Variants in INVS observed in about 807,000 individuals in gnomAD.
INVS encodes inversin, also known as inversion of embryo turning homolog.
INVS carries 86 observed loss-of-function variants against 108.8 expected under a neutral mutation model. The ratio of observed to expected loss-of-function variants is 0.79; its 90% CI spans 0.66 to 0.95. INVS has a LOEUF of 0.95. Ranked by LOEUF, INVS falls within the 40% of genes least tolerant of loss-of-function variation. The pLI, the probability that INVS is intolerant of heterozygous loss-of-function variation, is 0.00. For missense variants in INVS, 1,169 were observed against 1,297.4 expected, an observed-to-expected ratio of 0.90 and a Z score of 1.52; for synonymous variants, 455 against 473.5, an observed-to-expected ratio of 0.96 and a Z score of 0.51.
At chr9:100,209,083 C>T (rs1310032311) in intron 3 of INVS, among the ~76,000 whole-genome samples, 1 of 152,146 alleles carries the variant, frequency 6.6e-6, no homozygotes, top group African/African-American at 2.4e-5. Flanking sequence ...ACCGTACTGC[C>T]TCCCCATGGA....
intron 12 of INVS, among the ~76,000 whole-genome samples, chr9:100,278,872 G>A (rs568760228): frequency 1.3e-3 from 200 of 152,284 alleles, no homozygotes; most frequent in African/African-American, 4.5e-3. Flanking sequence ...TTGGTCATGA[G>A]AAAATTATCA....
chr9:100,242,642 C>G lies in INVS; in HGVS notation c.869C>G (p.Ala290Gly), dbSNP rs367575464. 1.2e-6 allele frequency: 2 copies of G among 1,610,702 alleles called. No individual in the cohort carries two copies. Among genetic ancestry groups the G allele is most frequent in the South Asian group, 1.1e-5 (1 of 90,958 alleles). The change falls in exon 7 of 17, where the codon GCC becomes GGC. Residue 290 changes from alanine (A) to glycine (G), a missense_variant. Transcript: ENST00000262457. ...ACTATCCCATCTGACAGCCAAGGAG[C>G]CACACCTTTGCACTATGCTGCTCAG... ...SGTIPSDSQG[A>G]TPLHYAAQSN...
At position 100,292,669 on chromosome 9, in the gene INVS, T is replaced by G. The variant is rs2787374; in HGVS notation, c.2412T>G (p.Ser804=). The part of the protein sequence containing the change: ...RTQELRGGRC[S]PAGSSRPGSA... ...AAGAGCTCAGAGGAGGAAGGTGCTC[T>G]CCGGCTGGTTCTAGCCGCCCTGGCA... The change falls in exon 14 of 17, where the codon TCT becomes TCG. Residue 804 remains serine, a synonymous_variant. Coordinates refer to ENST00000262457, the MANE Select transcript of INVS (RefSeq NM_014425.5). The G allele has an allele frequency of 1.2e-5, 19 of 1,613,778 alleles. No homozygotes were observed. Among genetic ancestry groups the G allele is most frequent in the Non-Finnish European group, 1.6e-5 (19 of 1,179,970 alleles).
chr9:100,169,738 C>G (rs1477437985), intron 3 of INVS, among the ~76,000 whole-genome samples: 1 of 152,042 alleles, frequency 6.6e-6, no homozygotes, highest in Admixed American at 6.6e-5. Flanking sequence ...ACAGTAATGC[C>G]AAGAGTATGT....
At chr9:100,291,652 C>T (rs1055499267) in intron 13 of INVS, among the ~76,000 whole-genome samples, 1 of 152,126 alleles carries the variant, frequency 6.6e-6, no homozygotes, top group Non-Finnish European at 1.5e-5. Flanking sequence ...ATCCTAAGAC[C>T]AGTTTTTATA....
chr9:100,212,586 T>A (rs901291726), intron 3 of INVS, among the ~76,000 whole-genome samples: 44 of 152,194 alleles, frequency 2.9e-4, no homozygotes, highest in Non-Finnish European at 5.1e-4. Context: ...AACTCAAAAA[T>A]TTTTATCCCT....
intron 3 of INVS, among the ~76,000 whole-genome samples, chr9:100,171,936 C>T (rs1829554952): frequency 6.6e-6 from 1 of 152,094 alleles, no homozygotes; most frequent in African/African-American, 2.4e-5. Flanking sequence ...TTTAAATACT[C>T]TGGACTTCTG....
At chr9:100,118,835 A>G (rs1255132695) in intron 2 of INVS, among the ~76,000 whole-genome samples, 1 of 151,864 alleles carries the variant, frequency 6.6e-6, no homozygotes, top group Non-Finnish European at 1.5e-5. Context: ...TAATTTCTGT[A>G]CTTTTAGTAG....
At chr9:100,217,650 G>A (rs1317267298) in intron 3 of INVS, among the ~76,000 whole-genome samples, 2 of 152,180 alleles carry the variant, frequency 1.3e-5, no homozygotes, top group Non-Finnish European at 2.9e-5. Flanking sequence ...AGTAAATAGA[G>A]TAGTAAGCAA....
chr9:100,258,160 C>T (rs1832485663), intron 10 of INVS, among the ~76,000 whole-genome samples: 1 of 152,174 alleles, frequency 6.6e-6, no homozygotes, highest in African/African-American at 2.4e-5. Context: ...ATTTGATCTT[C>T]AATCACTGAT....
intron 12 of INVS, among the ~76,000 whole-genome samples, chr9:100,277,718 C>T (rs1004185379): frequency 2.0e-5 from 3 of 152,112 alleles, no homozygotes; most frequent in Non-Finnish European, 2.9e-5. Context: ...CTAAGACACA[C>T]GACATTTTCT....
At chr9:100,261,888 G>C (rs1331428181) in intron 10 of INVS, among the ~76,000 whole-genome samples, 1 of 152,096 alleles carries the variant, frequency 6.6e-6, no homozygotes, top group East Asian at 1.9e-4. Flanking sequence ...TTTTACCATT[G>C]AGTAAGATGT....
At chr9:100,211,607 T>C (rs941195947) in intron 3 of INVS, among the ~76,000 whole-genome samples, 2 of 152,198 alleles carry the variant, frequency 1.3e-5, no homozygotes, top group Admixed American at 1.3e-4. Context: ...GAAACCAAGT[T>C]AGTGGATGGA....
chr9:100,299,916 A>G (rs1458769083), intron 16 of INVS, among the ~76,000 whole-genome samples: 2 of 152,202 alleles, frequency 1.3e-5, no homozygotes, highest in Non-Finnish European at 2.9e-5. Context: ...AGAGAGAAAA[A>G]TTGAGACATA....
intron 3 of INVS, among the ~76,000 whole-genome samples, chr9:100,213,299 A>T (rs1045219309): frequency 6.6e-6 from 1 of 152,066 alleles, no homozygotes; most frequent in African/African-American, 2.4e-5. Flanking sequence ...ATATTAGACT[A>T]TCCATTTTAT....
chr9:100,295,876 G>A (rs1308809736), intron 14 of INVS, among the ~76,000 whole-genome samples: 1 of 152,162 alleles, frequency 6.6e-6, no homozygotes, highest in African/African-American at 2.4e-5. Context: ...TTTCAAACAG[G>A]AGAAACTGAA....
At chr9:100,156,665 C>G (rs1430831665) in intron 3 of INVS, among the ~76,000 whole-genome samples, 2 of 152,038 alleles carry the variant, frequency 1.3e-5, no homozygotes, top group Admixed American at 6.6e-5. Flanking sequence ...ACTTCCATGT[C>G]CTGTCTGTCT....
intron 5 of INVS, among the ~76,000 whole-genome samples, chr9:100,230,397 T>G (rs2118432985): frequency 6.6e-6 from 1 of 152,342 alleles, no homozygotes; most frequent in East Asian, 1.9e-4. Flanking sequence ...AACAATATAT[T>G]GCTCAGTATT....
intron 3 of INVS, chr9:100,130,399 G>A (rs1172845635): frequency 2.0e-5 from 3 of 152,076 alleles, no homozygotes; most frequent in Non-Finnish European, 4.4e-5. Flanking sequence ...GAGATACATA[G>A]ATTGCTATTA....
Sources: allele counts gnomAD v4.1 joint callset (sites outside exome capture counted in the v4.1 genomes callset), GRCh38; gene constraint gnomAD v4.1.1; transcripts MANE v1.5; gene names NCBI Gene and HGNC (gene_info 2026-07-23, HGNC 2026-07-21).